The following ANTXR1 variants were observed in gnomAD, a reference collection of about 807,000 sequenced individuals.
The protein encoded by ANTXR1 is anthrax toxin receptor 1.
Under a neutral mutation model 78.1 loss-of-function variants are expected in ANTXR1, and 19 were observed. The observed-to-expected ratio is 0.24, with a 90% CI of 0.17 to 0.36. The LOEUF (loss-of-function observed/expected upper bound fraction) is 0.36. Ranked by LOEUF, ANTXR1 falls within the 10% of genes least tolerant of loss-of-function variation. The pLI is 1.00. For missense variants in ANTXR1, 518 were observed against 718.6 expected (o/e 0.72, Z 3.19); for synonymous variants, 273 against 260.5 (o/e 1.05, Z -0.46).
intron 1 of ANTXR1, among the ~76,000 whole-genome samples, chr2:69,034,797 G>A (rs1283616330): frequency 6.6e-6 from 1 of 152,090 alleles, no homozygotes; most frequent in Non-Finnish European, 1.5e-5. Context: ...ATCTGAAGAT[G>A]GTATCAGGAC....
intron 12 of ANTXR1, among the ~76,000 whole-genome samples, chr2:69,143,432 T>C (rs2104418158): frequency 6.6e-6 from 1 of 152,210 alleles, no homozygotes; most frequent in South Asian, 2.1e-4. Flanking sequence ...CACGCAGCTT[T>C]GAAAAGGAAA....
intron 10 of ANTXR1, among the ~76,000 whole-genome samples, chr2:69,105,843 A>G (rs1169764234): frequency 1.3e-5 from 2 of 152,252 alleles, no homozygotes; most frequent in East Asian, 1.9e-4. Flanking sequence ...TGAAGGCCCA[A>G]TAATGAAGCT....
chr2:69,158,931 A>G (rs749361298), intron 13 of ANTXR1, among the ~76,000 whole-genome samples: 1 of 152,232 alleles, frequency 6.6e-6, no homozygotes, highest in Non-Finnish European at 1.5e-5. Flanking sequence ...AACTAGTCAC[A>G]GAAACTAATC....
chr2:69,039,989 A>C (rs1669565996), intron 1 of ANTXR1, 55 bp from the exon 2 acceptor site: 1 of 1,410,376 alleles, frequency 7.1e-7, no homozygotes, highest in African/African-American at 1.4e-5. Flanking sequence ...TAAATAATAC[A>C]AGGTAAAGAC....
At chr2:69,139,473 CTGT>C (rs1464123221) in intron 12 of ANTXR1, among the ~76,000 whole-genome samples, 2 of 152,222 alleles carry the variant, frequency 1.3e-5, no homozygotes, top group Admixed American at 1.3e-4. Context: ...ATGCCTCCTA[CTGT>C]TGAGCATGCA....
intron 6 of ANTXR1, among the ~76,000 whole-genome samples, chr2:69,074,556 C>A (rs985536364): frequency 2.0e-5 from 3 of 152,124 alleles, no homozygotes; most frequent in African/African-American, 7.2e-5. Context: ...CCCTTCTTGA[C>A]AATTCTATAT....
chr2:69,184,052 C>T (rs1014301625), intron 16 of ANTXR1, among the ~76,000 whole-genome samples: 4 of 106,136 alleles, frequency 3.8e-5, no homozygotes, highest in Admixed American at 2.7e-4. Context: ...CATCCATACA[C>T]ATACACACAC....
chr2:69,074,508 GAAAGAT>G (rs1021592283), intron 6 of ANTXR1, among the ~76,000 whole-genome samples: 16 of 152,268 alleles, frequency 1.1e-4, no homozygotes, highest in African/African-American at 3.9e-4. Flanking sequence ...TTCTGAAAAA[GAAAGAT>G]AAAGCTCAAG....
intron 17 of ANTXR1, among the ~76,000 whole-genome samples, chr2:69,238,682 T>C (rs1317552240): frequency 1.3e-5 from 2 of 152,186 alleles, no homozygotes; most frequent in Non-Finnish European, 2.9e-5. Context: ...ACTTGAGAAA[T>C]ACCTACAGCC....
chr2:69,033,529 G>A (rs1017302876), intron 1 of ANTXR1, among the ~76,000 whole-genome samples: 4 of 152,278 alleles, frequency 2.6e-5, no homozygotes, highest in Admixed American at 2.6e-4. Flanking sequence ...AGAAGCTGGG[G>A]AGGGAGCACA....
At chr2:69,108,493 G>A (rs957837352) in intron 10 of ANTXR1, among the ~76,000 whole-genome samples, 9 of 152,242 alleles carry the variant, frequency 5.9e-5, no homozygotes, top group Non-Finnish European at 1.0e-4. Flanking sequence ...TAAGTTCAGC[G>A]GGACAAGTGC....
intron 3 of ANTXR1, among the ~76,000 whole-genome samples, chr2:69,056,818 C>T (rs1003594678): frequency 2.6e-5 from 4 of 151,974 alleles, no homozygotes; most frequent in Non-Finnish European, 4.4e-5. Flanking sequence ...GGACTACAGG[C>T]GAGCAACACC....
At chr2:69,029,925 A>G (rs1671477775) in intron 1 of ANTXR1, among the ~76,000 whole-genome samples, 1 of 152,248 alleles carries the variant, frequency 6.6e-6, no homozygotes, top group Admixed American at 6.5e-5. Flanking sequence ...TTGTCAATAG[A>G]GAAAATGAAA....
At chr2:69,229,508 T>G (rs866248049) in intron 17 of ANTXR1, among the ~76,000 whole-genome samples, 1 of 152,316 alleles carries the variant, frequency 6.6e-6, no homozygotes. Flanking sequence ...CGGTTTATCT[T>G]CTGGCACCAA....
At chr2:69,201,320 A>G (rs746934384) in intron 17 of ANTXR1, among the ~76,000 whole-genome samples, 7 of 152,196 alleles carry the variant, frequency 4.6e-5, no homozygotes. Context: ...GCTTGCATAC[A>G]GATCTGCAGG....
chr2:69,145,618 C>T, intron 12 of ANTXR1: 1 of 1,291,932 alleles, frequency 7.7e-7, no homozygotes, highest in Non-Finnish European at 9.8e-7. Context: ...TACATAATCA[C>T]TCCATGCGGT....
At position 69,116,106 on chromosome 2, in the gene ANTXR1, T is replaced by C. The variant is rs545590278; in HGVS notation, c.803-6911T>C. ...TTCTCTCCACTTTCAAAATCTCTTT[T>C]TCTAGAGTTTAATGTCTTCTATCAA... On this transcript the variant is annotated intron_variant, in intron 10 of 17. Transcript: ENST00000303714. Among the ~76,000 whole-genome samples, 22 of 152,364 alleles carry C rather than the reference T, an allele frequency of 1.4e-4. No homozygotes were observed. The East Asian group carries it at 3.8e-3, about 27-fold the overall frequency.
intron 17 of ANTXR1, among the ~76,000 whole-genome samples, chr2:69,242,492 A>G (rs1283582203): frequency 6.6e-6 from 1 of 152,210 alleles, no homozygotes; most frequent in Non-Finnish European, 1.5e-5. Flanking sequence ...ACTTATTTCA[A>G]TTGAAGAGAA....
At chr2:69,021,608 A>G (rs1437983298) in intron 1 of ANTXR1, among the ~76,000 whole-genome samples, 1 of 152,166 alleles carries the variant, frequency 6.6e-6, no homozygotes, top group Non-Finnish European at 1.5e-5. Context: ...AGTGACGTGC[A>G]TCCTTCTCCT....
Sources: allele counts gnomAD v4.1 joint callset (sites outside exome capture counted in the v4.1 genomes callset), GRCh38; gene constraint gnomAD v4.1.1; transcripts MANE v1.5; gene names NCBI Gene and HGNC (gene_info 2026-07-23, HGNC 2026-07-21).